The following TNFSF4 variants were observed in gnomAD, a reference collection of about 807,000 sequenced individuals.
The protein encoded by TNFSF4 is TNF superfamily member 4, also known as tumor necrosis factor ligand superfamily member 4.
In TNFSF4, 4 loss-of-function variants were observed where a neutral mutation model predicts 7.3. The ratio of observed to expected loss-of-function variants is 0.55; its 90% confidence interval spans 0.27 to 1.25. The LOEUF (loss-of-function observed/expected upper bound fraction) is 1.25. Among genes scored for constraint, TNFSF4 ranks in the 50% most tolerant of loss-of-function variants. The pLI, the probability that TNFSF4 is intolerant of heterozygous loss-of-function variation, is 0.12. For missense variants in TNFSF4, 181 were observed against 208.8 expected, an observed-to-expected ratio of 0.87 and a Z score of 0.82; for synonymous variants, 76 against 83.7, an observed-to-expected ratio of 0.91 and a Z score of 0.50.
chr1:173,360,560 G>A, the TNFSF4 span, among the ~76,000 whole-genome samples: 1 of 152,236 alleles, frequency 6.6e-6, no homozygotes, highest in African/African-American at 2.4e-5. Context: ...CAACCAGCTT[G>A]TTGCTTTTAT....
chr1:173,370,185 G>A, the TNFSF4 span, among the ~76,000 whole-genome samples: 3 of 152,212 alleles, frequency 2.0e-5, no homozygotes, highest in East Asian at 3.8e-4. Flanking sequence ...GTCCTACAGG[G>A]TCTAGGGCAA....
At chr1:173,357,352 T>C in the TNFSF4 span, among the ~76,000 whole-genome samples, 3 of 152,076 alleles carry the variant, frequency 2.0e-5, no homozygotes, top group African/African-American at 7.2e-5. Context: ...AGTAGTAATC[T>C]CTGCCATGGG....
chr1:173,256,910 G>T, the TNFSF4 span, among the ~76,000 whole-genome samples: 1 of 152,228 alleles, frequency 6.6e-6, no homozygotes, highest in Admixed American at 6.5e-5. Flanking sequence ...AAGTTCCATT[G>T]TGGTTTAAAT....
At chr1:173,177,824 AG>A in the TNFSF4 span, among the ~76,000 whole-genome samples, 1 of 152,204 alleles carries the variant, frequency 6.6e-6, no homozygotes, top group African/African-American at 2.4e-5. Flanking sequence ...GAAAGTAATA[AG>A]TGCCATTAAA....
At chr1:173,408,601 T>C in the TNFSF4 span, among the ~76,000 whole-genome samples, 2 of 152,086 alleles carry the variant, frequency 1.3e-5, no homozygotes, top group South Asian at 2.1e-4. Context: ...GAGTTGTTTT[T>C]TTTTTCTTTT....
At chr1:173,205,663 C>T in intron 1 of TNFSF4, 8 of 900,114 alleles carry the variant, frequency 8.9e-6, no homozygotes, top group Non-Finnish European at 1.1e-5. Flanking sequence ...TATTTGGTTA[C>T]TCTCTTTGTT....
chr1:173,419,907 G>GGC, the TNFSF4 span, among the ~76,000 whole-genome samples: 4 of 151,560 alleles, frequency 2.6e-5, no homozygotes, highest in African/African-American at 9.7e-5. Context: ...TTGTGTGGCG[G>GGC]GGGGGGGGAT....
At chr1:173,397,318 C>T in the TNFSF4 span, among the ~76,000 whole-genome samples, 79 of 152,272 alleles carry the variant, frequency 5.2e-4, no homozygotes, top group South Asian at 5.2e-3. Context: ...CTATTCACTA[C>T]TTAAAAGTTA....
Position 173,199,120 on chromosome 1 carries a change from T to C in TNFSF4, c.153+7904A>G, listed in dbSNP as rs141543650. ...GTTATCCAGTGCTTATCATACGCTA[T>C]TGCTTGTTTAACTGCCTTGTTTTCC... On this transcript the variant is annotated intron_variant, in intron 1 of 2. Coordinates refer to ENST00000281834, the MANE Select transcript of TNFSF4 (RefSeq NM_003326.5). Among the ~76,000 whole-genome samples, 177 of 152,284 alleles carry C rather than the reference T, an allele frequency of 1.2e-3. 6 individuals carry two copies. In the East Asian group the frequency reaches 0.032, roughly 27 times the overall value.
chr1:173,208,838 A>G (rs1460357542), upstream of TNFSF4, among the ~76,000 whole-genome samples: 1 of 151,856 alleles, frequency 6.6e-6, no homozygotes, highest in Non-Finnish European at 1.5e-5. Flanking sequence ...AAAAATGACT[A>G]AGAGTCACAG....
chr1:173,221,646 A>G, the TNFSF4 span, among the ~76,000 whole-genome samples: 1 of 152,222 alleles, frequency 6.6e-6, no homozygotes, highest in Non-Finnish European at 1.5e-5. Flanking sequence ...AGGGAGAGGC[A>G]GTTTGCAAAT....
chr1:173,177,564 T>C, the TNFSF4 span, among the ~76,000 whole-genome samples: 1 of 152,158 alleles, frequency 6.6e-6, no homozygotes, highest in Non-Finnish European at 1.5e-5. Context: ...AACAAACCTG[T>C]GTGTGTACCC....
chr1:173,364,381 G>GTATATATA, the TNFSF4 span, among the ~76,000 whole-genome samples: 1 of 140,800 alleles, frequency 7.1e-6, no homozygotes, highest in East Asian at 2.0e-4. Flanking sequence ...GGGTGTATGT[G>GTATATATA]TATATATATA....
chr1:173,252,131 A>G, the TNFSF4 span, among the ~76,000 whole-genome samples: 6 of 152,060 alleles, frequency 3.9e-5, no homozygotes, highest in African/African-American at 1.4e-4. Flanking sequence ...TAACTAGATC[A>G]AATGTTTTAT....
At chr1:173,275,605 A>C in the TNFSF4 span, among the ~76,000 whole-genome samples, 1 of 152,190 alleles carries the variant, frequency 6.6e-6, no homozygotes, top group East Asian at 1.9e-4. Context: ...TCAATTTGTA[A>C]GCACTTGCAG....
the TNFSF4 span, among the ~76,000 whole-genome samples, chr1:173,306,901 T>C: frequency 6.6e-6 from 1 of 151,966 alleles, no homozygotes; most frequent in Non-Finnish European, 1.5e-5. Flanking sequence ...CTCTCACCTT[T>C]AGACTTTGCA....
the TNFSF4 span, among the ~76,000 whole-genome samples, chr1:173,287,625 T>G: frequency 6.6e-6 from 1 of 152,168 alleles, no homozygotes; most frequent in East Asian, 1.9e-4. Flanking sequence ...TGTACAAGGA[T>G]GTTCTCAGAA....
chr1:173,401,770 T>TACATATACACAC, the TNFSF4 span, among the ~76,000 whole-genome samples: 3 of 152,016 alleles, frequency 2.0e-5, no homozygotes, highest in Non-Finnish European at 4.4e-5. Context: ...CCCATATACA[T>TACATATACACAC]ACATATACAC....
the TNFSF4 span, among the ~76,000 whole-genome samples, chr1:173,285,518 A>G: frequency 6.6e-6 from 1 of 152,188 alleles, no homozygotes; most frequent in East Asian, 1.9e-4. Flanking sequence ...ACAGCATTTC[A>G]TGCCACAGAG....
Sources: gnomAD v4.1 joint callset for allele counts (sites outside exome capture counted in the v4.1 genomes callset) on GRCh38, gnomAD v4.1.1 for gene constraint, MANE v1.5 for transcripts, NCBI Gene and HGNC (gene_info 2026-07-23, HGNC 2026-07-21) for gene names.